The following CTNNA3 variants were observed in gnomAD, a reference collection of about 807,000 sequenced individuals.
CTNNA3 encodes catenin alpha-3.
A neutral mutation model predicts 95.7 loss-of-function variants in CTNNA3; 76 were observed. That is an observed-to-expected ratio of 0.79 (90% CI 0.66 to 0.96). CTNNA3 has a LOEUF of 0.96. CTNNA3 is among the 40% of genes least tolerant of loss of function. CTNNA3 has a pLI of 0.00. For missense variants in CTNNA3, 1,191 were observed against 1,089.8 expected (o/e 1.09, Z -1.31); for synonymous variants, 431 against 374.4 (o/e 1.15, Z -1.74).
chr10:66,599,988 G>C (rs1843863335), intron 10 of CTNNA3, among the ~76,000 whole-genome samples: 1 of 151,668 alleles, frequency 6.6e-6, no homozygotes, highest in Non-Finnish European at 1.5e-5. Context: ...TGCCAGATTA[G>C]AAAAATGACT....
At chr10:67,001,613 T>C (rs940632022) in intron 7 of CTNNA3, among the ~76,000 whole-genome samples, 4 of 152,064 alleles carry the variant, frequency 2.6e-5, no homozygotes, top group African/African-American at 9.7e-5. Flanking sequence ...ATAAATTTAG[T>C]CTTTAATACT....
At chr10:66,439,349 C>T (rs1357040549) in intron 11 of CTNNA3, among the ~76,000 whole-genome samples, 6 of 151,698 alleles carry the variant, frequency 4.0e-5, no homozygotes, top group African/African-American at 1.5e-4. Context: ...CAACAATGAC[C>T]CTATGAAGAA....
chr10:67,187,519 T>C (rs1215754250), intron 6 of CTNNA3, among the ~76,000 whole-genome samples: 2 of 151,832 alleles, frequency 1.3e-5, no homozygotes, highest in Non-Finnish European at 2.9e-5. Flanking sequence ...TTCTCTCTCA[T>C]CATTTTCTTT....
chr10:67,244,616 T>C (rs982977197), intron 5 of CTNNA3, among the ~76,000 whole-genome samples: 1 of 152,186 alleles, frequency 6.6e-6, no homozygotes, highest in African/African-American at 2.4e-5. Flanking sequence ...TCAGAAATTG[T>C]TAGATAATGA....
At chr10:66,309,813 A>T (rs1053043486) in intron 12 of CTNNA3, among the ~76,000 whole-genome samples, 3 of 150,928 alleles carry the variant, frequency 2.0e-5, no homozygotes, top group Admixed American at 2.0e-4. Context: ...TAATCCCAAC[A>T]CTTTGGGAGG....
At chr10:67,219,109 G>T (rs16924249) in intron 6 of CTNNA3, among the ~76,000 whole-genome samples, 1 of 152,082 alleles carries the variant, frequency 6.6e-6, no homozygotes, top group South Asian at 2.1e-4. Context: ...TCATCTGCCC[G>T]ATTCCTGAAC....
At chr10:67,297,493 C>A (rs1039449988) in intron 5 of CTNNA3, among the ~76,000 whole-genome samples, 1 of 152,200 alleles carries the variant, frequency 6.6e-6, no homozygotes, top group Non-Finnish European at 1.5e-5. Context: ...TAGGTTACAC[C>A]TATCCCCTAT....
intron 1 of CTNNA3, among the ~76,000 whole-genome samples, chr10:67,720,847 G>A (rs929872033): frequency 2.6e-5 from 4 of 152,088 alleles, no homozygotes; most frequent in African/African-American, 7.2e-5. Flanking sequence ...CCAGCTACAC[G>A]GGAGGCTGAG....
intron 11 of CTNNA3, among the ~76,000 whole-genome samples, chr10:66,404,568 T>C (rs1263562565): frequency 6.6e-6 from 1 of 152,172 alleles, no homozygotes; most frequent in Non-Finnish European, 1.5e-5. Flanking sequence ...GAAAGAGATA[T>C]TAAATTAAAT....
At chr10:66,103,443 A>G (rs2081736232) in intron 13 of CTNNA3, among the ~76,000 whole-genome samples, 194 bp from the exon 14 acceptor site, 1 of 152,240 alleles carries the variant, frequency 6.6e-6, no homozygotes, top group Non-Finnish European at 1.5e-5. Context: ...TCACAGGAGC[A>G]TCAGTCATGA....
At chr10:65,940,775 T>C (rs910873617) in intron 17 of CTNNA3, among the ~76,000 whole-genome samples, 5 of 152,228 alleles carry the variant, frequency 3.3e-5, no homozygotes, top group African/African-American at 1.2e-4. Context: ...AAAAATCAGT[T>C]TGTGAAACTT....
chr10:67,540,481 T>A (rs905153909), intron 3 of CTNNA3, among the ~76,000 whole-genome samples: 35 of 151,908 alleles, frequency 2.3e-4, no homozygotes, highest in African/African-American at 8.4e-4. Flanking sequence ...ATTTTAAAAG[T>A]CTCCAAACTA....
At chr10:65,923,502 ATT>A (rs2077121154) in intron 17 of CTNNA3, among the ~76,000 whole-genome samples, 1 of 152,230 alleles carries the variant, frequency 6.6e-6, no homozygotes, top group East Asian at 1.9e-4. Flanking sequence ...CATTGAGAGC[ATT>A]CTCCCTTTTC....
intron 7 of CTNNA3, among the ~76,000 whole-genome samples, chr10:67,079,114 A>G (rs1407881939): frequency 6.6e-6 from 1 of 152,194 alleles, no homozygotes; most frequent in East Asian, 1.9e-4. Flanking sequence ...ATCCATATTT[A>G]TAAGTTTCAG....
chr10:67,141,551 G>A (rs1251671135), intron 7 of CTNNA3, among the ~76,000 whole-genome samples: 1 of 152,166 alleles, frequency 6.6e-6, no homozygotes, highest in East Asian at 1.9e-4. Flanking sequence ...TTCAGCCTCT[G>A]AAAATGTAGA....
At chr10:67,192,409 T>TATA (rs992068397) in intron 6 of CTNNA3, among the ~76,000 whole-genome samples, 2 of 151,576 alleles carry the variant, frequency 1.3e-5, no homozygotes, top group African/African-American at 2.4e-5. Flanking sequence ...TCAATAACAA[T>TATA]ATAATAATAA....
intron 7 of CTNNA3, among the ~76,000 whole-genome samples, chr10:66,955,905 G>A (rs571438214): frequency 5.3e-5 from 8 of 152,012 alleles, no homozygotes; most frequent in Admixed American, 1.3e-4. Context: ...CTCTAGTGAC[G>A]CTACAACATG....
Position 66,101,379 on chromosome 10 carries a change from A to G in CTNNA3, c.1977+1778T>C, listed in dbSNP as rs550109112. On this transcript the variant is annotated intron_variant, in intron 14 of 17. Transcript: ENST00000433211. Reference sequence around the variant, plus strand: ...GGCTATGTGATAATGGTGTCTACTCAAAGAACATTTTTTCTCCACTGAAAT... The same window carrying G: ...GGCTATGTGATAATGGTGTCTACTCGAAGAACATTTTTTCTCCACTGAAAT... 1.9e-4 allele frequency among the ~76,000 whole-genome samples: 29 copies of G among 152,332 alleles called. No individual in the cohort carries two copies. In the South Asian group the frequency reaches 4.8e-3, roughly 25 times the overall value.
At chr10:67,561,702 T>C (rs1841514531) in intron 3 of CTNNA3, among the ~76,000 whole-genome samples, 1 of 151,822 alleles carries the variant, frequency 6.6e-6, no homozygotes, top group South Asian at 2.1e-4. Flanking sequence ...ATCCAGGAGC[T>C]GGTTTTTTGA....
Sources: allele counts gnomAD v4.1 joint callset (sites outside exome capture counted in the v4.1 genomes callset), GRCh38; gene constraint gnomAD v4.1.1; transcripts MANE v1.5; gene names NCBI Gene and HGNC (gene_info 2026-07-23, HGNC 2026-07-21).